Variants in GPHN observed in about 807,000 individuals in gnomAD.
GPHN encodes the protein gephyrin.
Under a neutral mutation model 95.5 loss-of-function variants are expected in GPHN, and 17 were observed. The observed-to-expected ratio is 0.18, with a 90% CI of 0.12 to 0.27. The LOEUF (loss-of-function observed/expected upper bound fraction) is 0.27, where lower values mean the gene tolerates loss of function less well. GPHN is among the 10% of genes least tolerant of loss of function. The pLI, the probability that GPHN is intolerant of heterozygous loss-of-function variation, is 1.00. For missense variants in GPHN, 660 were observed against 978.1 expected (o/e 0.67, Z 4.34); for synonymous variants, 320 against 322.5 (o/e 0.99, Z 0.08).
intron 2 of GPHN, among the ~76,000 whole-genome samples, chr14:66,727,991 C>A (rs1192878506): frequency 6.6e-6 from 1 of 152,070 alleles, no homozygotes; most frequent in African/African-American, 2.4e-5. Context: ...CGGGCTAGGC[C>A]CATGGTCCCT....
At chr14:66,800,909 G>T (rs527487127) in intron 3 of GPHN, among the ~76,000 whole-genome samples, 2 of 152,112 alleles carry the variant, frequency 1.3e-5, no homozygotes, top group East Asian at 3.9e-4. Context: ...CCTCTGTGTA[G>T]TTTCAAATGG....
At chr14:66,808,128 A>G (rs2060621345) in intron 3 of GPHN, among the ~76,000 whole-genome samples, 1 of 152,188 alleles carries the variant, frequency 6.6e-6, no homozygotes, top group South Asian at 2.1e-4. Flanking sequence ...TTCATTGATT[A>G]CAGGTGTTAT....
chr14:67,295,351 G>A, the GPHN span, among the ~76,000 whole-genome samples: 1 of 151,850 alleles, frequency 6.6e-6, no homozygotes, highest in Non-Finnish European at 1.5e-5. Context: ...TTAGCTGGCT[G>A]TAGTGGTGTA....
At chr14:67,292,839 C>A in the GPHN span, 1 of 734,474 alleles carries the variant, frequency 1.4e-6, no homozygotes, top group East Asian at 2.8e-5. Flanking sequence ...CTGTTAATTA[C>A]ATGTTAATAA....
intron 1 of GPHN, among the ~76,000 whole-genome samples, chr14:66,619,893 G>T (rs2063217635): frequency 6.6e-6 from 1 of 152,098 alleles, no homozygotes; most frequent in African/African-American, 2.4e-5. Flanking sequence ...TAGTTTTGGG[G>T]AGCAAATAGG....
At chr14:67,729,221 C>T in the GPHN span, 1 of 1,612,120 alleles carries the variant, frequency 6.2e-7, no homozygotes, top group African/African-American at 1.3e-5. Context: ...GCAGTGCACC[C>T]AGGCGTCGTC....
chr14:67,232,035 T>C, the GPHN span, among the ~76,000 whole-genome samples: 1 of 152,092 alleles, frequency 6.6e-6, no homozygotes, highest in Non-Finnish European at 1.5e-5. Flanking sequence ...TTAGATTATC[T>C]GGTGGTTTTA....
At chr14:67,584,904 G>T in the GPHN span, among the ~76,000 whole-genome samples, 1 of 152,168 alleles carries the variant, frequency 6.6e-6, no homozygotes, top group African/African-American at 2.4e-5. Flanking sequence ...ATATAACAGG[G>T]ACCCACTTGG....
At chr14:67,672,831 G>A in the GPHN span, among the ~76,000 whole-genome samples, 2 of 152,226 alleles carry the variant, frequency 1.3e-5, no homozygotes, top group African/African-American at 2.4e-5. Context: ...TTAGAAAAAG[G>A]CACAAGTCTT....
At chr14:67,383,082 G>C in the GPHN span, among the ~76,000 whole-genome samples, 1 of 152,052 alleles carries the variant, frequency 6.6e-6, no homozygotes, top group African/African-American at 2.4e-5. Flanking sequence ...AAAAATGACA[G>C]AAAATAATTT....
At chr14:67,192,830 CTATATA>C in the GPHN span, among the ~76,000 whole-genome samples, 2 of 139,538 alleles carry the variant, frequency 1.4e-5, no homozygotes, top group Non-Finnish European at 3.1e-5. Flanking sequence ...ATGTACAGAT[CTATATA>C]TATATCTATA....
At chr14:67,372,492 A>G in the GPHN span, among the ~76,000 whole-genome samples, 1,131 of 152,322 alleles carry the variant, frequency 7.4e-3, 11 homozygotes, top group Middle Eastern at 0.02. Context: ...AAGAGAATAA[A>G]AAGACAAACC....
the GPHN span, among the ~76,000 whole-genome samples, chr14:67,630,280 C>A: frequency 6.6e-6 from 1 of 152,172 alleles, no homozygotes; most frequent in Admixed American, 6.5e-5. Flanking sequence ...AAAAATAGTT[C>A]ATTTCACTCT....
chr14:67,126,340 A>G (rs1229062660), intron 17 of GPHN, among the ~76,000 whole-genome samples: 1 of 152,208 alleles, frequency 6.6e-6, no homozygotes, highest in Non-Finnish European at 1.5e-5. Flanking sequence ...CTCTACTATC[A>G]TTATAAAGAC....
the GPHN span, chr14:67,383,457 G>A: frequency 6.2e-7 from 1 of 1,611,752 alleles, no homozygotes; most frequent in Non-Finnish European, 8.5e-7. Context: ...GGGAAACAGA[G>A]TCCAATTTAA....
At chr14:66,552,548 T>C (rs2140188063) in intron 1 of GPHN, among the ~76,000 whole-genome samples, 1 of 152,346 alleles carries the variant, frequency 6.6e-6, no homozygotes, top group South Asian at 2.1e-4. Context: ...TACATATCCA[T>C]TTGATAGAAT....
the GPHN span, among the ~76,000 whole-genome samples, chr14:67,402,250 G>T: frequency 2.0e-5 from 3 of 152,122 alleles, no homozygotes; most frequent in African/African-American, 4.8e-5. Flanking sequence ...CATGCATGGG[G>T]CATTGATGTA....
At position 66,701,750 on chromosome 14, in the gene GPHN, A is replaced by G. The variant is rs528712544; in HGVS notation, c.143+20565A>G. On this transcript the variant is annotated intron_variant, in intron 2 of 22. Transcript: ENST00000478722. ...GTAGATTCTCAACAGCCTCTCAGCT[A>G]GAATCTACTTAAGCCTACCAAGCTC... is the stretch of plus-strand genomic sequence containing the variant. Among the ~76,000 whole-genome samples the G allele has an allele frequency of 7.9e-5, 12 of 152,308 alleles. No homozygotes were observed. The East Asian group carries it at 2.3e-3, about 29-fold the overall frequency.
At chr14:67,381,747 C>A in the GPHN span, 34 of 1,139,856 alleles carry the variant, frequency 3.0e-5, no homozygotes, top group Non-Finnish European at 4.1e-5. Context: ...CAAATAGGAT[C>A]TTTGATCTTT....
Sources: gnomAD v4.1 joint callset for allele counts (sites outside exome capture counted in the v4.1 genomes callset) on GRCh38, gnomAD v4.1.1 for gene constraint, MANE v1.5 for transcripts, NCBI Gene and HGNC (gene_info 2026-07-23, HGNC 2026-07-21) for gene names.